Variants in ZFAT observed in about 807,000 individuals in gnomAD.
The protein encoded by ZFAT is zinc finger and AT-hook domain containing.
A neutral mutation model predicts 117.7 loss-of-function variants in ZFAT; 64 were observed. That is an observed-to-expected ratio of 0.54 (90% CI 0.44 to 0.67). ZFAT has a LOEUF of 0.67. Among genes scored for constraint, ZFAT ranks in the 30% least tolerant of loss-of-function variants. ZFAT has a pLI of 0.00. For missense variants in ZFAT, 1,433 were observed against 1,584.5 expected (o/e 0.90, Z 1.62); for synonymous variants, 679 against 615.0 (o/e 1.10, Z -1.54).
At chr8:134,641,336 A>G (rs1433201586) in intron 2 of ZFAT, among the ~76,000 whole-genome samples, 1 of 152,134 alleles carries the variant, frequency 6.6e-6, no homozygotes, top group Non-Finnish European at 1.5e-5. Context: ...AAATATACAC[A>G]GAGAATCCCC....
chr8:134,708,532 T>C (rs1463047804), intron 1 of ZFAT, among the ~76,000 whole-genome samples: 1 of 152,198 alleles, frequency 6.6e-6, no homozygotes, highest in Non-Finnish European at 1.5e-5. Context: ...CCAAGCATTA[T>C]CTTTATAAGT....
At chr8:134,817,776 T>C in the ZFAT span, among the ~76,000 whole-genome samples, 1 of 152,138 alleles carries the variant, frequency 6.6e-6, no homozygotes, top group South Asian at 2.1e-4. Flanking sequence ...GAAGACTACA[T>C]GATTTCAACA....
chr8:134,741,407 G>A, the ZFAT span, among the ~76,000 whole-genome samples: 47 of 152,256 alleles, frequency 3.1e-4, no homozygotes, highest in Admixed American at 4.6e-4. Context: ...TCTCAGCAGC[G>A]TTGGGTTCTT....
intron 3 of ZFAT, among the ~76,000 whole-genome samples, chr8:134,624,180 GCACA>G (rs57195425): frequency 0.15 from 22,390 of 146,042 alleles, 1,959 homozygotes; most frequent in Middle Eastern, 0.27. Context: ...ATGTGCACAT[GCACA>G]CACACACACA....
rs74644801 is a variant in ZFAT, at chr8:134,529,775, G to C, written c.3115+3059C>G. On this transcript the variant is annotated intron_variant, in intron 12 of 15. Transcript: ENST00000377838. ...CAGCTTAAACTTGGCCATGGTAGAA[G>C]TATTTACACTACAGAAATTGGCAAA... Among the ~76,000 whole-genome samples the C allele has an allele frequency of 2.3e-3, 343 of 152,298 alleles. 1 individual carries two copies. The highest frequency in any genetic ancestry group is 7.9e-3 in the African/African-American group (327 of 41,560).
chr8:134,694,131 G>C (rs1833713960), intron 1 of ZFAT, among the ~76,000 whole-genome samples: 1 of 152,164 alleles, frequency 6.6e-6, no homozygotes, highest in Non-Finnish European at 1.5e-5. Context: ...GAAGAGACAT[G>C]ACGCTGGAAC....
intron 15 of ZFAT, among the ~76,000 whole-genome samples, chr8:134,505,708 G>A (rs1038421446): frequency 6.6e-6 from 1 of 152,134 alleles, no homozygotes; most frequent in East Asian, 1.9e-4. Flanking sequence ...GAGTGCAGGT[G>A]GCCTCTAGAT....
chr8:134,578,878 C>T (rs964197549), intron 10 of ZFAT, among the ~76,000 whole-genome samples: 3 of 152,174 alleles, frequency 2.0e-5, no homozygotes, highest in Admixed American at 6.5e-5. Flanking sequence ...AAGGAGTAGC[C>T]ATTTCCCAAG....
At chr8:134,680,219 AC>A (rs1318031552) in intron 1 of ZFAT, among the ~76,000 whole-genome samples, 1 of 147,936 alleles carries the variant, frequency 6.8e-6, no homozygotes, top group Non-Finnish European at 1.5e-5. Flanking sequence ...CCATGATCGC[AC>A]CACTGTACTC....
At chr8:134,562,869 T>C (rs990712984) in intron 11 of ZFAT, among the ~76,000 whole-genome samples, 5 of 152,068 alleles carry the variant, frequency 3.3e-5, no homozygotes, top group Non-Finnish European at 4.4e-5. Context: ...TAAAAACCAG[T>C]AAGGATTTCA....
chr8:134,817,893 A>C, the ZFAT span, among the ~76,000 whole-genome samples: 1 of 152,216 alleles, frequency 6.6e-6, no homozygotes, highest in Non-Finnish European at 1.5e-5. Flanking sequence ...TCAACTGATT[A>C]TTCACAGGGG....
intron 1 of ZFAT, among the ~76,000 whole-genome samples, chr8:134,709,707 G>C (rs1343053020): frequency 6.6e-6 from 1 of 152,198 alleles, no homozygotes; most frequent in African/African-American, 2.4e-5. Context: ...ATTCTTGACT[G>C]CCCTTGCTCT....
intron 15 of ZFAT, among the ~76,000 whole-genome samples, chr8:134,507,721 C>T (rs16905157): frequency 0.22 from 33,313 of 152,110 alleles, 4,228 homozygotes; most frequent in East Asian, 0.4. Context: ...GCCTGCGAGG[C>T]TCAATAAATC....
intron 10 of ZFAT, chr8:134,565,654 G>C (rs1426222141): frequency 3.2e-6 from 2 of 631,640 alleles, no homozygotes; most frequent in East Asian, 5.6e-5. Flanking sequence ...GCTCCACCTG[G>C]GGAGGCCCCA....
intron 7 of ZFAT, among the ~76,000 whole-genome samples, chr8:134,593,980 G>A (rs1447007435): frequency 6.6e-6 from 1 of 152,260 alleles, no homozygotes; most frequent in South Asian, 2.1e-4. Flanking sequence ...CACAGGAAAA[G>A]TGATGCTGAA....
chr8:134,699,608 TTTGGTTTGGGA>T (rs1474744656), intron 1 of ZFAT, among the ~76,000 whole-genome samples: 2 of 152,126 alleles, frequency 1.3e-5, no homozygotes, highest in Non-Finnish European at 2.9e-5. Flanking sequence ...AAGAGCACAG[TTTGGTTTGGGA>T]TTGGACAGCC....
chr8:134,572,204 T>C (rs528051291), intron 10 of ZFAT, among the ~76,000 whole-genome samples: 208 of 152,348 alleles, frequency 1.4e-3, no homozygotes, highest in African/African-American at 4.7e-3. Context: ...AAGAATGATA[T>C]CCTTTCATTA....
the ZFAT span, among the ~76,000 whole-genome samples, chr8:134,774,246 A>C: frequency 0.75 from 113,621 of 151,592 alleles, 42,854 homozygotes; most frequent in African/African-American, 0.84. Flanking sequence ...ATCCACCTGC[A>C]TCGGCCTCCC....
At chr8:134,507,854 T>C (rs1258453958) in intron 15 of ZFAT, among the ~76,000 whole-genome samples, 1 of 152,168 alleles carries the variant, frequency 6.6e-6, no homozygotes, top group African/African-American at 2.4e-5. Context: ...GTCCTCCTGA[T>C]ACCATCCCAG....
Sources: allele counts gnomAD v4.1 joint callset (sites outside exome capture counted in the v4.1 genomes callset), GRCh38; gene constraint gnomAD v4.1.1; transcripts MANE v1.5; gene names NCBI Gene and HGNC (gene_info 2026-07-23, HGNC 2026-07-21).